Variants in PCDHA4 observed in about 807,000 individuals in gnomAD.
PCDHA4 encodes protocadherin alpha 4, also known as protocadherin alpha-4.
Under a neutral mutation model 61.4 loss-of-function variants are expected in PCDHA4, and 49 were observed. The observed-to-expected ratio is 0.80, with a 90% CI of 0.63 to 1.01. The LOEUF (loss-of-function observed/expected upper bound fraction) is 1.01, where lower values mean the gene tolerates loss of function less well. Among genes scored for constraint, PCDHA4 ranks in the 50% least tolerant of loss-of-function variants. The pLI is 0.00. For synonymous variants in PCDHA4, 590 were observed against 550.3 expected, an observed-to-expected ratio of 1.07 and a Z score of -1.01; for missense variants, 1,254 against 1,235.8, an observed-to-expected ratio of 1.01 and a Z score of -0.22.
chr5:140,927,478 C>T (rs959432734), intron 1 of PCDHA4: 12 of 1,613,944 alleles, frequency 7.4e-6, no homozygotes, highest in African/African-American at 1.3e-5. Flanking sequence ...TCGCGAACAG[C>T]GCGCCACCCA....
intron 1 of PCDHA4, chr5:140,841,176 A>C (rs1194944312): frequency 9.2e-6 from 10 of 1,081,656 alleles, no homozygotes; most frequent in East Asian, 2.6e-5. Flanking sequence ...TGGTTGGTCA[A>C]TGTTCAAAGT....
At chr5:140,942,705 T>TA (rs1220612434) in intron 1 of PCDHA4, among the ~76,000 whole-genome samples, 1 of 152,100 alleles carries the variant, frequency 6.6e-6, no homozygotes, top group Non-Finnish European at 1.5e-5. Flanking sequence ...AAATATGAAG[T>TA]AAAAGTATGA....
chr5:140,862,677 G>T, intron 1 of PCDHA4: 1 of 550,930 alleles, frequency 1.8e-6, no homozygotes. Context: ...AGGAGAACGT[G>T]CTGGTGTCCT....
Position 140,842,399 on chromosome 5 carries a change from C to T in PCDHA4, c.2385+32827C>T, listed in dbSNP as rs2150335315. The T allele has an allele frequency of 1.9e-5, 30 of 1,611,330 alleles. No individual in the cohort carries two copies. The South Asian group carries it at 3.2e-4, about 17-fold the overall frequency. Reference sequence around the variant, plus strand: ...ACTGACTTCCTTATCCTTGCCTGTACGTGAAGACGCTCAATTTGGTACTGT... The same window carrying T: ...ACTGACTTCCTTATCCTTGCCTGTATGTGAAGACGCTCAATTTGGTACTGT... On this transcript the variant is annotated intron_variant, in intron 1 of 3. Transcript: ENST00000530339.
At chr5:140,851,891 A>T (rs1554145590) in intron 1 of PCDHA4, 4 of 976,308 alleles carry the variant, frequency 4.1e-6, no homozygotes, top group East Asian at 1.1e-4. Flanking sequence ...TGGATATGAG[A>T]TTTGCCTCTT....
intron 1 of PCDHA4, chr5:140,843,655 T>C: frequency 6.3e-7 from 1 of 1,594,836 alleles, no homozygotes; most frequent in Non-Finnish European, 8.6e-7. Context: ...GCCTTCCTCC[T>C]GATCTGGGAT....
At chr5:141,006,299 C>T (rs2098266808) in intron 3 of PCDHA4, among the ~76,000 whole-genome samples, 1 of 152,064 alleles carries the variant, frequency 6.6e-6, no homozygotes, top group Non-Finnish European at 1.5e-5. Flanking sequence ...GCAAGCTCCA[C>T]TTCCCGGGTT....
intron 1 of PCDHA4, among the ~76,000 whole-genome samples, chr5:140,911,440 A>C (rs151200639): frequency 6.6e-5 from 10 of 152,168 alleles, no homozygotes; most frequent in African/African-American, 1.7e-4. Context: ...ATTTCCCGCA[A>C]TTTCAGCTCT....
chr5:140,941,461 G>A (rs1202773112), intron 1 of PCDHA4, among the ~76,000 whole-genome samples: 7 of 150,524 alleles, frequency 4.7e-5, no homozygotes, highest in Non-Finnish European at 7.4e-5. Context: ...GATTACAGGC[G>A]CCCACCACCA....
intron 1 of PCDHA4, among the ~76,000 whole-genome samples, chr5:140,908,700 G>A (rs1357815625): frequency 6.6e-6 from 1 of 152,184 alleles, no homozygotes; most frequent in Non-Finnish European, 1.5e-5. Flanking sequence ...GACACCTCAA[G>A]CACCATTGGA....
In PCDHA4 at chr5:140,836,932, C is replaced by A. The variant is rs1774821723; in HGVS notation, c.2385+27360C>A. ...CACTTTTGTTTTGGGATGCGTAATA[C>A]TATAGATCAAAATCTATGGTTTATG... On this transcript the variant is annotated intron_variant, in intron 1 of 3. Coordinates refer to ENST00000530339, the MANE Select transcript of PCDHA4 (RefSeq NM_018907.4). The A allele has an allele frequency of 8.2e-6, 4 of 485,222 alleles. No homozygotes were observed. In the East Asian group the frequency reaches 1.4e-4, roughly 17 times the overall value. 30.1% of individuals were successfully genotyped at this position (485,222 alleles called of 1,614,324 possible). A position where few individuals can be genotyped will look rare whatever the true frequency, so the allele number is the denominator to read the frequency against.
intron 1 of PCDHA4, among the ~76,000 whole-genome samples, chr5:140,955,418 G>A: frequency 6.6e-6 from 1 of 152,140 alleles, no homozygotes; most frequent in Non-Finnish European, 1.5e-5. Flanking sequence ...ATGATAGTGA[G>A]TGAGTTCTCA....
intron 1 of PCDHA4, among the ~76,000 whole-genome samples, chr5:140,909,960 C>T (rs1419796014): frequency 6.6e-6 from 1 of 152,184 alleles, no homozygotes; most frequent in Non-Finnish European, 1.5e-5. Context: ...CGTAGGTCTC[C>T]ATGGGGAAGG....
intron 1 of PCDHA4, among the ~76,000 whole-genome samples, chr5:140,923,307 G>A (rs541732390): frequency 9.2e-5 from 14 of 152,288 alleles, no homozygotes; most frequent in African/African-American, 3.1e-4. Flanking sequence ...GCGTGGGGGC[G>A]CTTGGCCTAG....
chr5:140,862,647 C>T (rs2047469341), intron 1 of PCDHA4: 12 of 541,942 alleles, frequency 2.2e-5, no homozygotes, highest in South Asian at 1.7e-4. Context: ...TCACAGTGTC[C>T]GCGCGGGACC....
At chr5:140,857,153 G>A in intron 1 of PCDHA4, 1 of 1,598,322 alleles carries the variant, frequency 6.3e-7, no homozygotes, top group East Asian at 2.2e-5. Context: ...CACCGTCATT[G>A]CCCTAATCAG....
At chr5:140,965,356 A>T (rs1554227617) in intron 1 of PCDHA4, among the ~76,000 whole-genome samples, 3 of 152,194 alleles carry the variant, frequency 2.0e-5, no homozygotes, top group African/African-American at 7.2e-5. Flanking sequence ...CCTCTATAGC[A>T]GTACAAGAGG....
intron 1 of PCDHA4, chr5:140,857,485 G>C (rs1554150101): frequency 6.3e-7 from 1 of 1,598,368 alleles, no homozygotes; most frequent in Non-Finnish European, 8.6e-7. Context: ...TGTCTGCGTG[G>C]GACGCGGACG....
chr5:140,822,866 T>A lies in PCDHA4; in HGVS notation c.2385+13294T>A. On this transcript the variant is annotated intron_variant, in intron 1 of 3. Transcript: ENST00000530339. ...CTGCCTGTCAAAGAGGACGCTCCACTCAGCACGGTCATTGCTCTGATCAGC... is the reference window on the plus strand; with the variant it reads ...CTGCCTGTCAAAGAGGACGCTCCACACAGCACGGTCATTGCTCTGATCAGC... 3 of 1,614,194 alleles carry A rather than the reference T, an allele frequency of 1.9e-6. No individual in the cohort carries two copies. The highest frequency in any genetic ancestry group is 2.5e-6 in the Non-Finnish European group (3 of 1,180,044).
Sources: gnomAD v4.1 joint callset for allele counts (sites outside exome capture counted in the v4.1 genomes callset) on GRCh38, gnomAD v4.1.1 for gene constraint, MANE v1.5 for transcripts, NCBI Gene and HGNC (gene_info 2026-07-23, HGNC 2026-07-21) for gene names.